Variants in AARS2 observed in about 807,000 individuals in gnomAD.
AARS2 encodes alanine--tRNA ligase, mitochondrial.
AARS2 carries 78 observed loss-of-function variants against 119.7 expected under a neutral mutation model. The ratio of observed to expected loss-of-function variants is 0.65; its 90% confidence interval spans 0.54 to 0.79. The LOEUF is 0.79. Among genes scored for constraint, AARS2 ranks in the 30% least tolerant of loss-of-function variants. The pLI is 0.00. For missense variants in AARS2, 1,157 were observed against 1,291.3 expected (o/e 0.90, Z 1.59); for synonymous variants, 502 against 526.3 (o/e 0.95, Z 0.63).
chr6:44,311,559 T>G (rs1786354931), intron 2 of AARS2, 24 bp from the exon 3 acceptor site: 4 of 1,587,614 alleles, frequency 2.5e-6, no homozygotes, highest in East Asian at 4.6e-5. Flanking sequence ...CAGCATGGGG[T>G]GGGGGGGGAA....
intron 7 of AARS2, 32 bp downstream of exon 7, chr6:44,306,891 G>A (rs1785905318): frequency 1.9e-6 from 3 of 1,601,070 alleles, no homozygotes; most frequent in Non-Finnish European, 8.6e-7. Flanking sequence ...TGCCCAGGGA[G>A]GCCCAGAGTG....
chr6:44,304,011 C>T (rs1361031291), intron 14 of AARS2, among the ~76,000 whole-genome samples, 170 bp downstream of exon 14: 1 of 152,224 alleles, frequency 6.6e-6, no homozygotes, highest in Non-Finnish European at 1.5e-5. Flanking sequence ...TGACTCCTCA[C>T]TGCTGCACAA....
intron 1 of AARS2, 140 bp downstream of exon 1, chr6:44,312,940 TC>T: frequency 1.5e-6 from 2 of 1,323,406 alleles, no homozygotes; most frequent in East Asian, 2.5e-5. Flanking sequence ...CGTACCCCCA[TC>T]ACTTTACCCA....
chr6:44,302,684 G>T, intron 17 of AARS2, 118 bp downstream of exon 17: 1 of 1,436,358 alleles, frequency 7.0e-7, no homozygotes, highest in Non-Finnish European at 9.6e-7. Flanking sequence ...TGGCCACATT[G>T]GTGTCCAAGT....
At position 44,299,219 on chromosome 6, in the gene AARS2, AT is replaced by A. The variant is rs1169075408; in HGVS notation, c.*1327del. Among the ~76,000 whole-genome samples, 18 of 150,818 alleles carry A rather than the reference AT, an allele frequency of 1.2e-4. No homozygotes were observed. The highest frequency in any genetic ancestry group is 4.4e-4 in the African/African-American group (18 of 41,032). ...TCCACACTCCTGATCCCCATTCTCTATTTCCCCCCCAGACCTCATCACCATC... is the reference window on the plus strand; with the variant it reads ...TCCACACTCCTGATCCCCATTCTCTATTCCCCCCCAGACCTCATCACCATC... On this transcript the variant is annotated 3_prime_UTR_variant, in exon 22 of 22. Transcript: ENST00000244571.
At position 44,311,279 on chromosome 6, in the gene AARS2, C is replaced by T. The variant is rs1561943323; in HGVS notation, c.581+111G>A. On this transcript the variant is annotated intron_variant, in intron 3 of 21. Transcript: ENST00000244571. ...CAGCAAGAGGAGGAACAGGGCTGAC[C>T]CCACAATATCCTGGAATGAAATGCT... 4 of 1,602,300 alleles carry T rather than the reference C, an allele frequency of 2.5e-6. No individual in the cohort carries two copies. The East Asian group carries it at 6.7e-5, about 27-fold the overall frequency.
rs760076980 is a variant in AARS2, at chr6:44,310,362, C to T, written c.831G>A (p.Leu277=). The T allele has an allele frequency of 1.9e-6, 3 of 1,613,908 alleles. No homozygotes were observed. The highest frequency in any genetic ancestry group is 2.5e-6 in the Non-Finnish European group (3 of 1,179,894). The change falls in exon 5 of 22, where the codon CTG becomes CTA. Residue 277 remains leucine (L), a synonymous_variant. Coordinates refer to ENST00000244571, the MANE Select transcript of AARS2 (RefSeq NM_020745.4). ...GMGLERLVAV[L]QGKHSTYDTD... ...TGTCATAGGTGGAGTGTTTGCCTTGCAGCACAGCCACCAGCCTTTCCAGGC... is the reference window on the plus strand; with the variant it reads ...TGTCATAGGTGGAGTGTTTGCCTTGTAGCACAGCCACCAGCCTTTCCAGGC...
chr6:44,304,444 G>T lies in AARS2; in HGVS notation c.1842C>A (p.Asp614Glu), dbSNP rs1255691406. Reference protein sequence around the residue: ...AVAPECLRLGDQVQLHVDEAW... With the variant: ...AVAPECLRLGEQVQLHVDEAW... The stretch of plus-strand genomic sequence containing the variant: ...CCTCATCCACATGCAGCTGCACCTG[G>T]TCCCCTAACCGCAGGCACTCAGGGG... The change falls in exon 13 of 22, where the codon GAC becomes GAA. Residue 614 changes from aspartate to glutamate, a missense_variant. Coordinates refer to ENST00000244571, the MANE Select transcript of AARS2 (RefSeq NM_020745.4). 6.2e-7 allele frequency: 1 copy of T among 1,614,194 alleles called. No homozygotes were observed. Among genetic ancestry groups the T allele is most frequent in the South Asian group, 1.1e-5 (1 of 91,090 alleles).
chr6:44,300,597 G>C lies in AARS2; in HGVS notation c.2908C>G (p.Leu970Val). The change falls in exon 22 of 22, where the codon CTG becomes GTG. Residue 970 changes from leucine to valine, a missense_variant. Transcript: ENST00000244571. ...VAQGTGSTTD[L>V]EAALSIAQTY... ...TGGGCTATACTGAGGGCAGCTTCCA[G>C]GTCAGTAGTGCTTCCGGTGCCTTGG... The C allele has an allele frequency of 6.2e-7, 1 of 1,614,096 alleles. No homozygotes were observed. The highest frequency in any genetic ancestry group is 8.5e-7 in the Non-Finnish European group (1 of 1,180,044).
chr6:44,302,665 T>G, intron 17 of AARS2, 137 bp downstream of exon 17: 1 of 1,464,806 alleles, frequency 6.8e-7, no homozygotes, highest in Non-Finnish European at 9.4e-7. Flanking sequence ...CAGCTGCCAA[T>G]AGCTGATATG....
rs917731550 is a variant in AARS2 at position 44,307,252 on chromosome 6, G to A, written c.1037C>T (p.Pro346Leu). The change falls in exon 6 of 22, where the codon CCC becomes CTC. Residue 346 changes from proline (P) to leucine (L), a missense_variant. By Grantham distance (98) the Pro-to-Leu change is moderately conservative (BLOSUM62 -3). Coordinates refer to ENST00000244571, the MANE Select transcript of AARS2 (RefSeq NM_020745.4). The surrounding 1 kb of genome is among the most constrained non-coding windows in gnomAD (Gnocchi z 4.4). ...TCTGTAGCCCTTCCAGACTCACGGG[G>A]GACCTGACATCCCAGGGAAGATGCC... is the stretch of plus-strand genomic sequence containing the variant. ...SDGIFPGMSG[P>L]PLVLRRILRR... 5 of 1,613,920 alleles carry A rather than the reference G, an allele frequency of 3.1e-6. No homozygotes were observed. The highest frequency in any genetic ancestry group is 4.2e-6 in the Non-Finnish European group (5 of 1,179,966).
At position 44,304,314 on chromosome 6, in the gene AARS2, C is replaced by A; in HGVS notation, c.1874G>T (p.Arg625Leu). Residue 625 changes from arginine to leucine, a missense_variant, in exon 14 of 22, where the codon CGT (arginine) becomes CTT (leucine). Physicochemically the swap from Arg to Leu is moderately radical, Grantham distance 102 (BLOSUM62 -2). Coordinates refer to ENST00000244571, the MANE Select transcript of AARS2 (RefSeq NM_020745.4). ...CGTATGCTTCGCCATGCAGCCTAGA[C>A]GCCAGGCCTGAAATACTTTTGTCAC... The part of the protein sequence containing the change: ...QVQLHVDEAW[R>L]LGCMAKHTAT... 1.2e-6 allele frequency: 2 copies of A among 1,614,196 alleles called. No individual in the cohort carries two copies. The highest frequency in any genetic ancestry group is 1.7e-6 in the Non-Finnish European group (2 of 1,180,040).
chr6:44,310,544 T>A, intron 4 of AARS2, 101 bp from the exon 5 acceptor site: 1 of 1,488,430 alleles, frequency 6.7e-7, no homozygotes. Context: ...CCAAGGGAGC[T>A]GACAGTGGGA....
rs1785978144 is a variant in AARS2 at position 44,307,616 on chromosome 6, T to C, written c.895-222A>G. On this transcript the variant is annotated intron_variant, in intron 5 of 21. Transcript: ENST00000244571. The surrounding 1 kb of genome is among the most constrained non-coding windows in gnomAD (Gnocchi z 4.4). ...TACAAGTGAACATATCTGTGACCAT[T>C]TACTGAATTTCTACTATCAGAACTG... The C allele has an allele frequency of 1.6e-6, 1 of 613,296 alleles. No individual in the cohort carries two copies. The highest frequency in any genetic ancestry group is 2.9e-6 in the Non-Finnish European group (1 of 350,208). 38.0% of individuals were successfully genotyped at this position (613,296 alleles called of 1,614,324 possible).
rs183296984 is a variant in AARS2 at position 44,301,571 on chromosome 6, C to T, written c.2599-107G>A. 82 of 1,110,390 alleles carry T rather than the reference C, an allele frequency of 7.4e-5. No individual in the cohort carries two copies. In the African/African-American group the frequency reaches 1.1e-3, roughly 15 times the overall value. The allele number at this position is 1,110,390 out of a possible 1,614,324, so 68.8% of individuals were successfully genotyped here. ...GCTGAGCAATCCCCTGCTTCCCCCA[C>T]CCACCCCAAAAGTCATTAGCTCTAG... On this transcript the variant is annotated intron_variant, in intron 19 of 21. Transcript: ENST00000244571.
In AARS2 at chr6:44,312,213, G is replaced by T; in HGVS notation, c.294C>A (p.Gly98=). The part of the protein sequence containing the change: ...GTVDPRSEMA[G]FRRVANSQKC... Reference sequence around the variant, plus strand: ...TCTGGCTGTTGGCCACACGTCGGAAGCCTGCCATCTCGCTTCGTGGATCCA... The same window carrying T: ...TCTGGCTGTTGGCCACACGTCGGAATCCTGCCATCTCGCTTCGTGGATCCA... Residue 98 remains glycine (G), a synonymous_variant, in exon 2 of 22, where the codon GGC becomes GGA. Coordinates refer to ENST00000244571, the MANE Select transcript of AARS2 (RefSeq NM_020745.4). 1 of 1,614,112 alleles carries T rather than the reference G, an allele frequency of 6.2e-7. No homozygotes were observed. Among genetic ancestry groups the T allele is most frequent in the African/African-American group, 1.3e-5 (1 of 75,072 alleles).
At chr6:44,302,932 A>G (rs757664220) in intron 16 of AARS2, 22 bp from the exon 17 acceptor site, 9 of 1,612,018 alleles carry the variant, frequency 5.6e-6, no homozygotes, top group Non-Finnish European at 7.6e-6. Context: ...AGGAGTGAAC[A>G]GAAAGTCGGG....
intron 2 of AARS2, among the ~76,000 whole-genome samples, chr6:44,311,812 A>T (rs568372373): frequency 2.6e-5 from 4 of 152,306 alleles, no homozygotes; most frequent in South Asian, 2.1e-4. Flanking sequence ...AGTGATCTTT[A>T]ACTCCAGTAA....
intron 11 of AARS2, 95 bp downstream of exon 11, chr6:44,304,959 G>A (rs547743001): frequency 1.2e-6 from 2 of 1,610,098 alleles, no homozygotes; most frequent in African/African-American, 1.3e-5. Context: ...GGCCATCCTG[G>A]GGAATACATA....
Sources: gnomAD v4.1 joint callset for allele counts (sites outside exome capture counted in the v4.1 genomes callset) on GRCh38, gnomAD v4.1.1 for gene constraint, Gnocchi (gnomAD v3.1) non-coding constraint, MANE v1.5 for transcripts, NCBI Gene and HGNC (gene_info 2026-07-23, HGNC 2026-07-21) for gene names.